The following MUC5AC variants were observed in gnomAD, a reference collection of about 807,000 sequenced individuals.
MUC5AC encodes the protein mucin-5AC.
In MUC5AC, 158 loss-of-function variants were observed where a neutral mutation model predicts 169.7. The ratio of observed to expected loss-of-function variants is 0.93; its 90% confidence interval spans 0.82 to 1.06. The LOEUF (loss-of-function observed/expected upper bound fraction) is 1.06, where lower values mean the gene tolerates loss of function less well. MUC5AC is among the 50% of genes least tolerant of loss of function. MUC5AC has a pLI of 0.00. For synonymous variants in MUC5AC, 1,975 were observed against 1,237.0 expected, an observed-to-expected ratio of 1.60 and a Z score of -12.52; for missense variants, 4,359 against 3,089.9, an observed-to-expected ratio of 1.41 and a Z score of -9.74.
At chr11:1,167,185 CT>C (rs1860358784) in intron 11 of MUC5AC, among the ~76,000 whole-genome samples, 1 of 145,512 alleles carries the variant, frequency 6.9e-6, no homozygotes, top group Non-Finnish European at 1.5e-5. Flanking sequence ...CACACAGTCT[CT>C]GCACGATGAG....
At position 1,188,298 on chromosome 11, in the gene MUC5AC, G is replaced by C. The variant is rs1478014469; in HGVS notation, c.10153G>C (p.Ala3385Pro). The change falls in exon 31 of 49, where the codon GCT (alanine) becomes CCT (proline). Residue 3385 changes from alanine (A) to proline (P), a missense_variant. Transcript: ENST00000621226. The part of the protein sequence containing the change: ...TSAPTTSTTS[A>P]PTTSTTSAPT... ...TGCTCCTACAACCAGCACAACCTCT[G>C]CTCCCACAACCAGCACAACTTCTGC... 7.2e-6 allele frequency: 5 copies of C among 697,672 alleles called. No homozygotes were observed. Among genetic ancestry groups the C allele is most frequent in the Non-Finnish European group, 1.3e-5 (5 of 382,650 alleles). The allele number at this position is 697,672 out of a possible 1,614,324, so 43.2% of individuals were successfully genotyped here.
At chr11:1,194,429 CG>C in intron 34 of MUC5AC, 57 bp from the exon 35 acceptor site, 1 of 711,356 alleles carries the variant, frequency 1.4e-6, no homozygotes, top group Non-Finnish European at 2.6e-6. Flanking sequence ...GCCTGAGCAG[CG>C]GCTGACCGCC....
intron 19 of MUC5AC, among the ~76,000 whole-genome samples, chr11:1,175,846 C>CCCACTTATGCAACACTCACAT (rs1860668618): frequency 7.4e-6 from 1 of 135,394 alleles, no homozygotes; most frequent in Non-Finnish European, 1.6e-5. Flanking sequence ...CGCACTCACA[C>CCCACTTATGCAACACTCACAT]ACCCACTTAT....
At position 1,182,452 on chromosome 11, in the gene MUC5AC, G is replaced by C. The variant is rs1860837203; in HGVS notation, c.4307G>C (p.Gly1436Ala). The change falls in exon 31 of 49, where the codon GGA becomes GCA. Residue 1436 changes from glycine to alanine, a missense_variant. Physicochemically the swap from Gly to Ala is moderately conservative, Grantham distance 60 (BLOSUM62 0). Coordinates refer to ENST00000621226, the MANE Select transcript of MUC5AC (RefSeq NM_001304359.2). ...SVECRAEDAP[G>A]VPLRALGQRV... ...GAGTGCCGAGCTGAGGACGCCCCCGGAGTGCCGCTCCGAGCCCTGGGGCAG... is the reference window on the plus strand; with the variant it reads ...GAGTGCCGAGCTGAGGACGCCCCCGCAGTGCCGCTCCGAGCCCTGGGGCAG... 1 of 398,574 alleles carries C rather than the reference G, an allele frequency of 2.5e-6. No individual in the cohort carries two copies. The highest frequency in any genetic ancestry group is 2.1e-5 in the African/African-American group (1 of 48,636). 24.7% of individuals were successfully genotyped at this position (398,574 alleles called of 1,614,324 possible). A position where few individuals can be genotyped will look rare whatever the true frequency, so the allele number is the denominator to read the frequency against.
At position 1,181,357 on chromosome 11, in the gene MUC5AC, G is replaced by A. The variant is rs1860810692; in HGVS notation, c.3907G>A (p.Ala1303Thr). The A allele has an allele frequency of 1.3e-5, 5 of 398,590 alleles. No homozygotes were observed. Among genetic ancestry groups the A allele is most frequent in the East Asian group, 7.1e-5 (2 of 28,070 alleles). 24.7% of individuals were successfully genotyped at this position (398,590 alleles called of 1,614,324 possible). A position where few individuals can be genotyped will look rare whatever the true frequency, so the allele number is the denominator to read the frequency against. ...TTDGTGGCIS[A>T]RCGANGTIER... ...GGATGGCACGGGTGGCTGCATCTCCGCCCGCTGCGGGGCCAACGGCACCAT... is the reference window on the plus strand; with the variant it reads ...GGATGGCACGGGTGGCTGCATCTCCACCCGCTGCGGGGCCAACGGCACCAT... Residue 1303 changes from alanine to threonine, a missense_variant, in exon 30 of 49, where the codon GCC (alanine) becomes ACC (threonine). By Grantham distance (58) the Ala-to-Thr change is moderately conservative (BLOSUM62 0). Transcript: ENST00000621226.
chr11:1,187,829 G>A lies in MUC5AC; in HGVS notation c.9684G>A (p.Trp3228Ter). ...VTRDCHLRCT[W>*]TKWFDIDFPS... is the part of the protein sequence containing the mutation. ...GAGACTGTCATCTCCGGTGCACCTG[G>A]ACCAAGTGGTTTGACATAGACTTCC... The change falls in exon 31 of 49, where the codon TGG becomes TGA. Residue 3228 changes from tryptophan to a stop codon, truncating the protein, a stop_gained. Coordinates refer to ENST00000621226, the MANE Select transcript of MUC5AC (RefSeq NM_001304359.2). LOFTEE classifies it high-confidence loss of function. 1.3e-6 allele frequency: 1 copy of A among 764,864 alleles called. No individual in the cohort carries two copies. 47.4% of individuals were successfully genotyped at this position (764,864 alleles called of 1,614,324 possible).
rs1554928363 is a variant in MUC5AC, at chr11:1,187,864, G to A, written c.9719G>A (p.Gly3240Glu). 22 of 763,518 alleles carry A rather than the reference G, an allele frequency of 2.9e-5. No individual in the cohort carries two copies. Among genetic ancestry groups the A allele is most frequent in the Admixed American group, 5.1e-5 (3 of 58,982 alleles). 47.3% of individuals were successfully genotyped at this position (763,518 alleles called of 1,614,324 possible). Residue 3240 changes from glycine to glutamate, a missense_variant, in exon 31 of 49, where the codon GGA becomes GAA. By Grantham distance (98) the Gly-to-Glu change is moderately conservative (BLOSUM62 -2). Transcript: ENST00000621226. ...TTTGACATAGACTTCCCATCCCCTG[G>A]ACCCCACGGCGGGGACAAGGAAACC... is the stretch of plus-strand genomic sequence containing the variant. Reference protein sequence around the residue: ...KWFDIDFPSPGPHGGDKETYN... With the variant: ...KWFDIDFPSPEPHGGDKETYN...
chr11:1,195,320 C>T lies in MUC5AC; in HGVS notation c.15458+41C>T, dbSNP rs1016258780. 1.1e-5 allele frequency: 8 copies of T among 746,698 alleles called. No homozygotes were observed. The African/African-American group carries it at 1.4e-4, about 13-fold the overall frequency. The allele number at this position is 746,698 out of a possible 1,614,324, so 46.3% of individuals were successfully genotyped here. A position where few individuals can be genotyped will look rare whatever the true frequency, so the allele number is the denominator to read the frequency against. On this transcript the variant is annotated intron_variant, in intron 36 of 48. Transcript: ENST00000621226. Reference sequence around the variant, plus strand: ...AAGGGAGGGAGGGTCAGTGTGGCCGCCCCACCTCCCACCCTTCCAAGGGCT... The same window carrying T: ...AAGGGAGGGAGGGTCAGTGTGGCCGTCCCACCTCCCACCCTTCCAAGGGCT...
intron 5 of MUC5AC, 71 bp downstream of exon 5, chr11:1,162,717 C>A: frequency 6.9e-7 from 1 of 1,441,814 alleles, no homozygotes; most frequent in South Asian, 1.2e-5. Flanking sequence ...CACAGCCTCT[C>A]CGGAGAGGGT....
At chr11:1,197,698 C>T (rs923851165) in intron 41 of MUC5AC, 59 bp downstream of exon 41, 24 of 645,416 alleles carry the variant, frequency 3.7e-5, no homozygotes, top group Admixed American at 6.5e-5. Flanking sequence ...GGAGCCCACT[C>T]GGCCCGGACT....
Position 1,196,451 on chromosome 11 carries a change from A to T in MUC5AC, c.15701A>T (p.Tyr5234Phe). ...GGCCCGAGCAACCCCTCCTACTGCT[A>T]CGGGAATGACAGCGCCAGCCTCGGG... ...PCGPSNPSYC[Y>F]GNDSASLGAL... The change falls in exon 38 of 49, where the codon TAC (tyrosine) becomes TTC (phenylalanine). Residue 5234 changes from tyrosine to phenylalanine, a missense_variant. Coordinates refer to ENST00000621226, the MANE Select transcript of MUC5AC (RefSeq NM_001304359.2). 3 of 764,948 alleles carry T rather than the reference A, an allele frequency of 3.9e-6. No individual in the cohort carries two copies. Among genetic ancestry groups the T allele is most frequent in the Non-Finnish European group, 7.2e-6 (3 of 417,790 alleles). 47.4% of individuals were successfully genotyped at this position (764,948 alleles called of 1,614,324 possible). A position where few individuals can be genotyped will look rare whatever the true frequency, so the allele number is the denominator to read the frequency against.
At chr11:1,159,624 T>C (rs1208910887) in intron 1 of MUC5AC, among the ~76,000 whole-genome samples, 23 of 107,412 alleles carry the variant, frequency 2.1e-4, no homozygotes, top group Middle Eastern at 7.6e-3. Flanking sequence ...TGGGGTCTGG[T>C]CCCACCATGC....
At chr11:1,200,079 G>A (rs2075844) in intron 48 of MUC5AC, 110 bp downstream of exon 48, 350,275 of 616,848 alleles carry the variant, frequency 0.57, 101,732 homozygotes, top group East Asian at 0.65. Context: ...GAGGGGCCAG[G>A]CAAAGGGCTC....
intron 15 of MUC5AC, among the ~76,000 whole-genome samples, chr11:1,169,851 G>T (rs1290072078): frequency 3.5e-5 from 1 of 28,562 alleles, no homozygotes; most frequent in Non-Finnish European, 6.8e-5. Context: ...CCCACTCACC[G>T]ACTCACCCAT....
chr11:1,190,942 C>G lies in MUC5AC; in HGVS notation c.12797C>G (p.Thr4266Ser), dbSNP rs1861076605. The G allele has an allele frequency of 1.2e-4, 86 of 738,560 alleles. No individual in the cohort carries two copies. Among genetic ancestry groups the G allele is most frequent in the South Asian group, 1.1e-3 (75 of 71,154 alleles). The allele number at this position is 738,560 out of a possible 1,614,324, so 45.8% of individuals were successfully genotyped here. A position where few individuals can be genotyped will look rare whatever the true frequency, so the allele number is the denominator to read the frequency against. Reference protein sequence around the residue: ...TPSPVPSTSTTSAATTSTTSA... With the variant: ...TPSPVPSTSTSSAATTSTTSA... ...AGCCCTGTTCCCAGCACCAGTACAA[C>G]CTCTGCTGCTACAACCAGCACAACC... is the stretch of plus-strand genomic sequence containing the variant. The change falls in exon 31 of 49, where the codon ACC (threonine) becomes AGC (serine). Residue 4266 changes from threonine to serine, a missense_variant. Transcript: ENST00000621226.
Position 1,195,188 on chromosome 11 carries a change from G to A in MUC5AC, c.15367G>A (p.Gly5123Arg), listed in dbSNP as rs763842399. The A allele has an allele frequency of 1.3e-5, 10 of 760,554 alleles. No homozygotes were observed. The highest frequency in any genetic ancestry group is 4.1e-5 in the South Asian group (3 of 73,780). The allele number at this position is 760,554 out of a possible 1,614,324, so 47.1% of individuals were successfully genotyped here. A position where few individuals can be genotyped will look rare whatever the true frequency, so the allele number is the denominator to read the frequency against. ...GPTTVGSTTV[G>R]PTTVGSTTVG... ...CACCACAGTTGGGTCTACCACGGTC[G>A]GGCCCACCACAGTTGGGTCTACCAC... is the stretch of plus-strand genomic sequence containing the variant. The change falls in exon 36 of 49, where the codon GGG becomes AGG. Residue 5123 changes from glycine to arginine, a missense_variant. Physicochemically the swap from Gly to Arg is moderately radical, Grantham distance 125. Transcript: ENST00000621226.
chr11:1,183,265 C>A lies in MUC5AC; in HGVS notation c.5120C>A (p.Thr1707Lys). 4.9e-6 allele frequency: 2 copies of A among 404,176 alleles called. No homozygotes were observed. The highest frequency in any genetic ancestry group is 8.2e-6 in the Non-Finnish European group (2 of 242,504). The allele number at this position is 404,176 out of a possible 1,614,324, so 25.0% of individuals were successfully genotyped here. ...TGAQTQTTFT[T>K]HMPSASTEQP... ...GCTCAGACCCAGACCACCTTCACCA[C>A]ACACATGCCCTCGGCCTCCACAGAG... Residue 1707 changes from threonine to lysine, a missense_variant, in exon 31 of 49, where the codon ACA becomes AAA. Transcript: ENST00000621226.
At chr11:1,193,168 C>T (rs957711070) in intron 32 of MUC5AC, among the ~76,000 whole-genome samples, 186 bp downstream of exon 32, 11 of 152,260 alleles carry the variant, frequency 7.2e-5, no homozygotes, top group South Asian at 2.1e-4. Flanking sequence ...TTCCCAGGCA[C>T]GTGCTTTCCA....
At chr11:1,176,792 G>A (rs951724873) in intron 21 of MUC5AC, 127 bp downstream of exon 21, 5 of 398,364 alleles carry the variant, frequency 1.3e-5, no homozygotes, top group African/African-American at 2.1e-5. Flanking sequence ...AGGGCTGGAC[G>A]CCACCAGCAG....
Sources: gnomAD v4.1 joint callset for allele counts (sites outside exome capture counted in the v4.1 genomes callset) on GRCh38, gnomAD v4.1.1 for gene constraint, MANE v1.5 for transcripts, NCBI Gene and HGNC (gene_info 2026-07-23, HGNC 2026-07-21) for gene names.